The following ELOVL4 variants were observed in gnomAD, a reference collection of about 807,000 sequenced individuals.
The protein encoded by ELOVL4 is ELOVL fatty acid elongase 4.
A neutral mutation model predicts 42.1 loss-of-function variants in ELOVL4; 18 were observed. That is an observed-to-expected ratio of 0.43 (90% CI 0.30 to 0.63). The LOEUF is 0.63. Among genes scored for constraint, ELOVL4 ranks in the 30% least tolerant of loss-of-function variants. The probability of loss-of-function intolerance (pLI) is 0.15; values close to 1 mark genes in which losing one functional copy is unlikely to be tolerated. For missense variants in ELOVL4, 299 were observed against 376.2 expected, an observed-to-expected ratio of 0.79 and a Z score of 1.70; for synonymous variants, 117 against 127.0, an observed-to-expected ratio of 0.92 and a Z score of 0.53.
intron 5 of ELOVL4, among the ~76,000 whole-genome samples, chr6:79,917,750 G>C (rs1246171817): frequency 6.6e-6 from 1 of 152,108 alleles, no homozygotes; most frequent in Non-Finnish European, 1.5e-5. Context: ...GAACCCAGGA[G>C]GCGGAAGTTA....
chr6:79,919,324 A>T (rs1774211228), intron 5 of ELOVL4, 96 bp downstream of exon 5: 1 of 1,403,112 alleles, frequency 7.1e-7, no homozygotes, highest in Non-Finnish European at 1.0e-6. Context: ...ATTTCATAAT[A>T]GAAAATTGTC....
chr6:79,922,304 T>C (rs1218940042), intron 3 of ELOVL4, among the ~76,000 whole-genome samples: 2 of 151,114 alleles, frequency 1.3e-5, no homozygotes, highest in Non-Finnish European at 3.0e-5. Flanking sequence ...TGCACCAATA[T>C]GTGCAACAAC....
chr6:79,941,620 G>C (rs1774646177), intron 1 of ELOVL4, among the ~76,000 whole-genome samples: 1 of 152,134 alleles, frequency 6.6e-6, no homozygotes, highest in South Asian at 2.1e-4. Context: ...CCAGCACTTT[G>C]TGGGGCTGAG....
intron 1 of ELOVL4, among the ~76,000 whole-genome samples, chr6:79,936,110 C>T (rs757072637): frequency 6.6e-6 from 1 of 152,122 alleles, no homozygotes; most frequent in Non-Finnish European, 1.5e-5. Context: ...AGATTCTATC[C>T]GAATAAATCA....
chr6:79,926,369 T>C lies in ELOVL4; in HGVS notation c.113A>G (p.Glu38Gly), dbSNP rs1161216408. Residue 38 changes from glutamate to glycine, a missense_variant, in exon 2 of 6, where the codon GAA becomes GGA. Transcript: ENST00000369816. ...AGGAGACTGCATCAGAGGCCAATTTTCCACACGCTTATCTATAGAGAGAAC... is the reference window on the plus strand; with the variant it reads ...AGGAGACTGCATCAGAGGCCAATTTCCCACACGCTTATCTATAGAGAGAAC... Reference protein sequence around the residue: ...WTWSIADKRVENWPLMQSPWP... With the variant: ...WTWSIADKRVGNWPLMQSPWP... 1.9e-6 allele frequency: 3 copies of C among 1,613,852 alleles called. No individual in the cohort carries two copies. The highest frequency in any genetic ancestry group is 2.5e-6 in the Non-Finnish European group (3 of 1,179,872).
At chr6:79,934,378 T>A (rs143220719) in intron 1 of ELOVL4, among the ~76,000 whole-genome samples, 1 of 151,866 alleles carries the variant, frequency 6.6e-6, no homozygotes, top group East Asian at 1.9e-4. Context: ...AACCAACTGT[T>A]CTTCCTTTTT....
intron 1 of ELOVL4, among the ~76,000 whole-genome samples, chr6:79,941,411 C>T (rs764368885): frequency 2.6e-5 from 4 of 152,164 alleles, no homozygotes; most frequent in Non-Finnish European, 4.4e-5. Flanking sequence ...TCTGCACAGA[C>T]AATGAAGAGA....
At chr6:79,921,483 A>G in intron 4 of ELOVL4, 142 bp downstream of exon 4, 1 of 611,584 alleles carries the variant, frequency 1.6e-6, no homozygotes, top group Non-Finnish European at 2.7e-6. Context: ...AAAAAAAAAA[A>G]AAAAAAGAAA....
In ELOVL4 at chr6:79,947,526, G is replaced by C. The variant is rs956762102; in HGVS notation, c.-247C>G. On this transcript the variant is annotated 5_prime_UTR_variant, in exon 1 of 6. Transcript: ENST00000369816. ...ACGAGGAGGTGGAGGAGGCCCAGCC[G>C]CCAGCACAGTGCGCTGCACCAGTCT... 2 of 534,198 alleles carry C rather than the reference G, an allele frequency of 3.7e-6. No individual in the cohort carries two copies. The highest frequency in any genetic ancestry group is 3.1e-5 in the Admixed American group (1 of 32,340). 33.1% of individuals were successfully genotyped at this position (534,198 alleles called of 1,614,324 possible).
chr6:79,932,525 C>CAG (rs138640852), intron 1 of ELOVL4, among the ~76,000 whole-genome samples: 22 of 146,490 alleles, frequency 1.5e-4, no homozygotes, highest in East Asian at 6.0e-4. Context: ...GCCTGGGTGA[C>CAG]AGAGAGAGAG....
rs1352167335 is a variant in ELOVL4 at position 79,916,364 on chromosome 6, G to C, written c.*244C>G. The C allele has an allele frequency of 4.0e-6, 2 of 495,072 alleles. No homozygotes were observed. The highest frequency in any genetic ancestry group is 3.9e-5 in the African/African-American group (2 of 51,718). The allele number at this position is 495,072 out of a possible 1,614,324, so 30.7% of individuals were successfully genotyped here. A position where few individuals can be genotyped will look rare whatever the true frequency, so the allele number is the denominator to read the frequency against. On this transcript the variant is annotated 3_prime_UTR_variant, in exon 6 of 6. Coordinates refer to ENST00000369816, the MANE Select transcript of ELOVL4 (RefSeq NM_022726.4). ...GGGAGAATCCCCAAAGTCACTTAAT[G>C]ATTGCTTTGGTCTGGAGAATATCAA...
At chr6:79,937,733 T>A (rs1774570369) in intron 1 of ELOVL4, among the ~76,000 whole-genome samples, 1 of 152,216 alleles carries the variant, frequency 6.6e-6, no homozygotes, top group African/African-American at 2.4e-5. Flanking sequence ...AGGAGAAAGA[T>A]CTTGATCCTA....
chr6:79,930,288 C>T (rs573832281), intron 1 of ELOVL4, among the ~76,000 whole-genome samples: 1 of 152,304 alleles, frequency 6.6e-6, no homozygotes, highest in African/African-American at 2.4e-5. Flanking sequence ...CCACATTTTA[C>T]ACCATACCCT....
chr6:79,942,226 C>T (rs572096370), intron 1 of ELOVL4, among the ~76,000 whole-genome samples: 2 of 152,224 alleles, frequency 1.3e-5, no homozygotes, highest in East Asian at 3.9e-4. Context: ...AAGGATCAAG[C>T]GAGAAAGTTA....
In ELOVL4 at chr6:79,926,132, C is replaced by T. The variant is rs1774338533; in HGVS notation, c.288+62G>A. On this transcript the variant is annotated intron_variant, in intron 2 of 5. Coordinates refer to ENST00000369816, the MANE Select transcript of ELOVL4 (RefSeq NM_022726.4). ...AAAATATTACAATGATGGTTTTACA[C>T]ATTCTCATTTTTAAATTTCCAATAA... 12 of 1,386,656 alleles carry T rather than the reference C, an allele frequency of 8.7e-6. No homozygotes were observed. The South Asian group carries it at 1.3e-4, about 15-fold the overall frequency. 85.9% of individuals were successfully genotyped at this position (1,386,656 alleles called of 1,614,324 possible).
At chr6:79,931,685 AAAAGACT>A (rs1174737654) in intron 1 of ELOVL4, among the ~76,000 whole-genome samples, 7 of 152,182 alleles carry the variant, frequency 4.6e-5, no homozygotes, top group African/African-American at 1.7e-4. Flanking sequence ...GAATAAGGGA[AAAAGACT>A]AAAGACTAAA....
At chr6:79,918,868 G>A (rs1181561172) in intron 5 of ELOVL4, among the ~76,000 whole-genome samples, 2 of 152,136 alleles carry the variant, frequency 1.3e-5, no homozygotes, top group African/African-American at 4.8e-5. Context: ...CTCTCTTAAG[G>A]ACAGTGTTTT....
chr6:79,947,543 C>CA lies in ELOVL4; in HGVS notation c.-265dup. On this transcript the variant is annotated 5_prime_UTR_variant, in exon 1 of 6. Transcript: ENST00000369816. ...GCCCAGCCGCCAGCACAGTGCGCTG[C>CA]ACCAGTCTGCAGCCTCGCGCAGCCG... 2.1e-6 allele frequency: 1 copy of CA among 481,490 alleles called. No homozygotes were observed. 29.8% of individuals were successfully genotyped at this position (481,490 alleles called of 1,614,324 possible).
intron 1 of ELOVL4, among the ~76,000 whole-genome samples, chr6:79,933,232 GT>G (rs1330956110): frequency 6.6e-6 from 1 of 152,034 alleles, no homozygotes; most frequent in Non-Finnish European, 1.5e-5. Flanking sequence ...TTGTTTGTTT[GT>G]TTGTTTGTTT....
Sources: allele counts gnomAD v4.1 joint callset (sites outside exome capture counted in the v4.1 genomes callset), GRCh38; gene constraint gnomAD v4.1.1; transcripts MANE v1.5; gene names NCBI Gene and HGNC (gene_info 2026-07-23, HGNC 2026-07-21).